The following SFXN1 variants were observed in gnomAD, a reference collection of about 807,000 sequenced individuals.
The protein encoded by SFXN1 is sideroflexin-1.
Under a neutral mutation model 39.5 loss-of-function variants are expected in SFXN1, and 32 were observed. The observed-to-expected ratio is 0.81, with a 90% confidence interval of 0.61 to 1.09. The LOEUF (loss-of-function observed/expected upper bound fraction) is 1.09. Ranked by LOEUF, SFXN1 falls within the 50% of genes least tolerant of loss-of-function variation. The pLI is 0.00. For missense variants in SFXN1, 402 were observed against 407.1 expected (o/e 0.99, Z 0.11); for synonymous variants, 136 against 146.5 (o/e 0.93, Z 0.52).
intron 2 of SFXN1, among the ~76,000 whole-genome samples, chr5:175,497,948 A>C (rs1462403212): frequency 6.6e-6 from 1 of 151,696 alleles, no homozygotes; most frequent in Non-Finnish European, 1.5e-5. Flanking sequence ...AAAAAAAAAA[A>C]AAAAAAACCA....
At chr5:175,515,975 G>T (rs1188605619) in intron 7 of SFXN1, among the ~76,000 whole-genome samples, 1 of 151,900 alleles carries the variant, frequency 6.6e-6, no homozygotes, top group African/African-American at 2.4e-5. Context: ...TAAGGAGCGG[G>T]CAACCTAGAT....
chr5:175,523,294 G>GC (rs1201173215), intron 10 of SFXN1: 2 of 152,172 alleles, frequency 1.3e-5, no homozygotes, highest in Non-Finnish European at 2.9e-5. Context: ...CTACTGAAGA[G>GC]CCCCCCTTGA....
At chr5:175,526,552 A>T in intron 10 of SFXN1, 86 bp from the exon 11 acceptor site, 1 of 1,058,972 alleles carries the variant, frequency 9.4e-7, no homozygotes, top group Non-Finnish European at 1.5e-6. Flanking sequence ...TGGGATCTCC[A>T]CACCTGTGCC....
intron 3 of SFXN1, 90 bp downstream of exon 3, chr5:175,509,292 A>AC: frequency 3.9e-6 from 5 of 1,275,812 alleles, no homozygotes; most frequent in Non-Finnish European, 5.4e-6. Flanking sequence ...TGAAATAAGT[A>AC]TTATTTCATA....
chr5:175,508,912 G>A, intron 2 of SFXN1, 120 bp from the exon 3 acceptor site: 1 of 885,706 alleles, frequency 1.1e-6, no homozygotes, highest in East Asian at 2.7e-5. Context: ...TGGGATTACA[G>A]ACGTAAGCCA....
chr5:175,491,863 T>C, intron 1 of SFXN1: 1 of 408,242 alleles, frequency 2.4e-6, no homozygotes. Flanking sequence ...ACTATGTACT[T>C]ATAAAGAGAA....
chr5:175,493,146 G>C (rs541338969), intron 2 of SFXN1, among the ~76,000 whole-genome samples: 1 of 152,066 alleles, frequency 6.6e-6, no homozygotes, highest in Non-Finnish European at 1.5e-5. Flanking sequence ...CCAGCTACTC[G>C]GGAGGCTGAG....
At chr5:175,511,327 T>G in intron 4 of SFXN1, 124 bp from the exon 5 acceptor site, 1 of 742,522 alleles carries the variant, frequency 1.3e-6, no homozygotes, top group Non-Finnish European at 2.3e-6. Flanking sequence ...GTGAATGTTG[T>G]TTTGTAGACT....
At chr5:175,496,329 G>T (rs532488538) in intron 2 of SFXN1, among the ~76,000 whole-genome samples, 1 of 151,432 alleles carries the variant, frequency 6.6e-6, no homozygotes, top group Non-Finnish European at 1.5e-5. Context: ...AGCCGAGATC[G>T]CTCCCTGCAC....
chr5:175,520,458 G>A (rs1452944559), intron 8 of SFXN1, among the ~76,000 whole-genome samples: 1 of 152,074 alleles, frequency 6.6e-6, no homozygotes, highest in Non-Finnish European at 1.5e-5. Context: ...GTGCGGGGGT[G>A]GTGCTGGAAG....
At chr5:175,524,103 C>CAAAAAA (rs1196739370) in intron 10 of SFXN1, 5 of 52,154 alleles carry the variant, frequency 9.6e-5, no homozygotes, top group East Asian at 1.2e-3. Context: ...GATTCTGTCT[C>CAAAAAA]AAAAAAAAAA....
intron 1 of SFXN1, among the ~76,000 whole-genome samples, chr5:175,487,590 C>T (rs780982347): frequency 6.6e-6 from 1 of 152,192 alleles, no homozygotes; most frequent in Non-Finnish European, 1.5e-5. Flanking sequence ...CTGACCTCTT[C>T]ACACCACAGT....
chr5:175,516,525 CA>C (rs1458579041), intron 7 of SFXN1, 88 bp from the exon 8 acceptor site: 23 of 1,174,334 alleles, frequency 2.0e-5, no homozygotes, highest in Non-Finnish European at 2.8e-5. Context: ...CTAAAAGTGA[CA>C]GAAGCTTTCT....
chr5:175,511,642 T>G, intron 5 of SFXN1, 116 bp downstream of exon 5: 1 of 826,612 alleles, frequency 1.2e-6, no homozygotes, highest in South Asian at 1.6e-5. Context: ...CTTGTTATAG[T>G]GCTTATCTTC....
intron 8 of SFXN1, 48 bp downstream of exon 8, chr5:175,516,711 T>A: frequency 6.3e-7 from 1 of 1,586,898 alleles, no homozygotes; most frequent in Non-Finnish European, 8.6e-7. Flanking sequence ...TTATTTCTTT[T>A]CAGATTTCAA....
chr5:175,502,328 A>G (rs1362389677), intron 2 of SFXN1, among the ~76,000 whole-genome samples: 1 of 152,128 alleles, frequency 6.6e-6, no homozygotes, highest in African/African-American at 2.4e-5. Context: ...CCAGGCAAGA[A>G]GGGGGTCTTG....
chr5:175,504,936 G>T (rs60244766), intron 2 of SFXN1, among the ~76,000 whole-genome samples: 21,238 of 151,922 alleles, frequency 0.14, 1,596 homozygotes, highest in African/African-American at 0.19. Context: ...CACAGTGTTA[G>T]CCAGAATGGT....
chr5:175,480,388 A>G (rs185471954), intron 1 of SFXN1, among the ~76,000 whole-genome samples: 42 of 151,766 alleles, frequency 2.8e-4, no homozygotes, highest in Non-Finnish European at 5.2e-4. Flanking sequence ...GCGACAGAGC[A>G]AGACTCCGTC....
At chr5:175,519,864 CTTTTTTTTTTTTT>C (rs369561037) in intron 8 of SFXN1, among the ~76,000 whole-genome samples, 1 of 77,282 alleles carries the variant, frequency 1.3e-5, no homozygotes, top group African/African-American at 5.4e-5. Flanking sequence ...GGGTTTTTTG[CTTTTTTTTTTTTT>C]TTTTTTTTTT....
Sources: allele counts gnomAD v4.1 joint callset (sites outside exome capture counted in the v4.1 genomes callset), GRCh38; gene constraint gnomAD v4.1.1; transcripts MANE v1.5; gene names NCBI Gene and HGNC (gene_info 2026-07-23, HGNC 2026-07-21).